The following PLCB4 variants were observed in gnomAD, a reference collection of about 807,000 sequenced individuals.
PLCB4 encodes 1-phosphatidylinositol 4,5-bisphosphate phosphodiesterase beta-4.
PLCB4 carries 77 observed loss-of-function variants against 178.8 expected under a neutral mutation model. That is an observed-to-expected ratio of 0.43 (90% CI 0.36 to 0.52). The LOEUF is 0.52. Ranked by LOEUF, PLCB4 falls within the 20% of genes least tolerant of loss-of-function variation. The pLI is 0.00. For synonymous variants in PLCB4, 496 were observed against 490.8 expected (o/e 1.01, Z -0.14); for missense variants, 1,024 against 1,453.4 (o/e 0.70, Z 4.80).
At chr20:9,077,581 G>T (rs939737326) in intron 1 of PLCB4, among the ~76,000 whole-genome samples, 2 of 152,168 alleles carry the variant, frequency 1.3e-5, no homozygotes, top group African/African-American at 4.8e-5. Flanking sequence ...AAAACAAATT[G>T]ATCAGTTAAG....
At chr20:9,148,999 C>A (rs896753179) in intron 2 of PLCB4, among the ~76,000 whole-genome samples, 9 of 152,142 alleles carry the variant, frequency 5.9e-5, no homozygotes. Flanking sequence ...GATCTGCTTT[C>A]TAAATTCTTG....
chr20:9,235,218 T>C (rs2093980219), intron 3 of PLCB4, among the ~76,000 whole-genome samples: 1 of 152,082 alleles, frequency 6.6e-6, no homozygotes, highest in Admixed American at 6.6e-5. Flanking sequence ...AGGACAATCA[T>C]TGGGCAGGGA....
intron 1 of PLCB4, among the ~76,000 whole-genome samples, chr20:9,080,062 G>T (rs1316131542): frequency 3.3e-5 from 5 of 152,066 alleles, no homozygotes; most frequent in Admixed American, 3.3e-4. Context: ...TCAGGTACCT[G>T]GGGGAAGAGA....
At chr20:9,386,086 C>T (rs919604935) in intron 14 of PLCB4, among the ~76,000 whole-genome samples, 5 of 152,200 alleles carry the variant, frequency 3.3e-5, no homozygotes, top group African/African-American at 1.2e-4. Context: ...TACCCCATCT[C>T]CTCCAAAAAT....
intron 4 of PLCB4, among the ~76,000 whole-genome samples, chr20:9,322,042 G>A (rs935034158): frequency 6.7e-6 from 1 of 149,752 alleles, no homozygotes; most frequent in African/African-American, 2.5e-5. Flanking sequence ...CTAACTCCTG[G>A]GCTTAAGCAA....
intron 3 of PLCB4, among the ~76,000 whole-genome samples, chr20:9,303,825 CTT>C (rs2094732808): frequency 6.6e-6 from 1 of 152,086 alleles, no homozygotes; most frequent in African/African-American, 2.4e-5. Flanking sequence ...TGTATTTTAA[CTT>C]TGAAAGATAT....
At chr20:9,339,894 G>A (rs2032978077) in intron 7 of PLCB4, among the ~76,000 whole-genome samples, 1 of 152,152 alleles carries the variant, frequency 6.6e-6, no homozygotes, top group South Asian at 2.1e-4. Context: ...GAAGTAGAAA[G>A]CCTCGTAAAT....
intron 3 of PLCB4, among the ~76,000 whole-genome samples, chr20:9,296,503 A>G (rs1419107118): frequency 6.6e-6 from 1 of 152,148 alleles, no homozygotes; most frequent in African/African-American, 2.4e-5. Flanking sequence ...CAATCCCATT[A>G]CTGGGTATAT....
intron 33 of PLCB4, among the ~76,000 whole-genome samples, chr20:9,455,061 C>T (rs1568873777): frequency 6.6e-6 from 1 of 152,160 alleles, no homozygotes; most frequent in Non-Finnish European, 1.5e-5. Context: ...TGTGATTCTT[C>T]TAGATTCTAA....
At chr20:9,429,067 A>G (rs2041221389) in intron 28 of PLCB4, among the ~76,000 whole-genome samples, 1 of 152,180 alleles carries the variant, frequency 6.6e-6, no homozygotes, top group Non-Finnish European at 1.5e-5. Context: ...TTATGCCCAG[A>G]AATAGATGGT....
At chr20:9,072,088 C>T (rs181262270) in intron 1 of PLCB4, among the ~76,000 whole-genome samples, 18 of 152,144 alleles carry the variant, frequency 1.2e-4, no homozygotes, top group Non-Finnish European at 1.9e-4. Context: ...AATGTGTAGG[C>T]CATATTAGTG....
intron 4 of PLCB4, among the ~76,000 whole-genome samples, chr20:9,322,481 T>G (rs1203815423): frequency 6.6e-6 from 1 of 152,236 alleles, no homozygotes; most frequent in East Asian, 1.9e-4. Flanking sequence ...AAATGCTGCT[T>G]TGTCAAGAAC....
chr20:9,399,737 T>TG (rs1458949244), intron 19 of PLCB4, among the ~76,000 whole-genome samples: 1 of 152,250 alleles, frequency 6.6e-6, no homozygotes, highest in African/African-American at 2.4e-5. Flanking sequence ...ACCACTTGTT[T>TG]GGGGTATGCC....
chr20:9,434,509 G>A (rs180875607), intron 28 of PLCB4, among the ~76,000 whole-genome samples: 6 of 152,250 alleles, frequency 3.9e-5, no homozygotes, highest in Admixed American at 3.9e-4. Flanking sequence ...TCAAGTAGCT[G>A]AGATTACAGG....
intron 1 of PLCB4, among the ~76,000 whole-genome samples, chr20:9,083,860 G>A (rs2090279641): frequency 6.6e-6 from 1 of 152,138 alleles, no homozygotes; most frequent in South Asian, 2.1e-4. Flanking sequence ...GCTGGCACTG[G>A]CACCTTGATC....
intron 19 of PLCB4, among the ~76,000 whole-genome samples, chr20:9,400,067 C>T (rs554515466): frequency 1.3e-5 from 2 of 152,220 alleles, no homozygotes; most frequent in East Asian, 3.9e-4. Context: ...TCCTTTTCTT[C>T]CTGCCTAAGC....
intron 14 of PLCB4, among the ~76,000 whole-genome samples, chr20:9,386,577 A>G (rs926163410): frequency 5.3e-5 from 8 of 152,088 alleles, no homozygotes; most frequent in African/African-American, 1.7e-4. Context: ...ATACCTGAGT[A>G]TGAATCACTA....
chr20:9,455,765 C>CA (rs1006884382), intron 33 of PLCB4, among the ~76,000 whole-genome samples: 1 of 152,168 alleles, frequency 6.6e-6, no homozygotes, highest in Non-Finnish European at 1.5e-5. Context: ...AAAGTTACTT[C>CA]AAAATCAGAC....
At chr20:9,153,596 C>A (rs571612796) in intron 2 of PLCB4, among the ~76,000 whole-genome samples, 1 of 152,098 alleles carries the variant, frequency 6.6e-6, no homozygotes, top group Non-Finnish European at 1.5e-5. Context: ...TTCCCGGTCT[C>A]GGATATGTCT....
Sources: allele counts gnomAD v4.1 joint callset (sites outside exome capture counted in the v4.1 genomes callset), GRCh38; gene constraint gnomAD v4.1.1; transcripts MANE v1.5; gene names NCBI Gene and HGNC (gene_info 2026-07-23, HGNC 2026-07-21).